Variants in TTC31 observed in about 807,000 individuals in gnomAD.
The protein encoded by TTC31 is tetratricopeptide repeat protein 31.
In TTC31, 59 loss-of-function variants were observed where a neutral mutation model predicts 60.4. The observed-to-expected ratio is 0.98, with a 90% CI of 0.79 to 1.21. TTC31 has a LOEUF of 1.21. Among genes scored for constraint, TTC31 ranks in the 50% most tolerant of loss-of-function variants. The pLI, the probability that TTC31 is intolerant of heterozygous loss-of-function variation, is 0.00. For synonymous variants in TTC31, 225 were observed against 249.6 expected, an observed-to-expected ratio of 0.90 and a Z score of 0.93; for missense variants, 672 against 646.9, an observed-to-expected ratio of 1.04 and a Z score of -0.42.
Position 74,493,167 on chromosome 2 carries a change from G to C in TTC31, c.1509G>C (p.Lys503Asn). The change falls in exon 13 of 13, where the codon AAG (lysine) becomes AAC (asparagine). Residue 503 changes from lysine (K) to asparagine (N), a missense_variant. By Grantham distance (94) the Lys-to-Asn change is moderately conservative. Coordinates refer to ENST00000233623, the MANE Select transcript of TTC31 (RefSeq NM_022492.6). The part of the protein sequence containing the change: ...PHPLKPQDPS[K>N]GWDILGLGLQ... ...CTCTCAAGCCCCAGGACCCTTCAAA[G>C]GGCTGGGACATCCTGGGACTTGGGC... 6.2e-7 allele frequency: 1 copy of C among 1,614,160 alleles called. No individual in the cohort carries two copies. The highest frequency in any genetic ancestry group is 8.5e-7 in the Non-Finnish European group (1 of 1,180,014).
In TTC31 at chr2:74,492,705, C is replaced by T. The variant is rs761961387; in HGVS notation, c.1221C>T (p.Asp407=). ...CTCTGAGAGGTGGGTCCCAGCCTGACGCAGCCCGAGAGCTCCGCTCTTGCC... is the reference window on the plus strand; with the variant it reads ...CTCTGAGAGGTGGGTCCCAGCCTGATGCAGCCCGAGAGCTCCGCTCTTGCC... ...QETLRGGSQP[D]AARELRSCLL... The change falls in exon 12 of 13, where the codon GAC becomes GAT. Residue 407 remains aspartate (D), a synonymous_variant. Coordinates refer to ENST00000233623, the MANE Select transcript of TTC31 (RefSeq NM_022492.6). 19 of 1,614,068 alleles carry T rather than the reference C, an allele frequency of 1.2e-5. No individual in the cohort carries two copies. The highest frequency in any genetic ancestry group is 4.0e-5 in the African/African-American group (3 of 74,928).
intron 2 of TTC31, among the ~76,000 whole-genome samples, chr2:74,486,727 T>C (rs1673150953): frequency 6.6e-6 from 1 of 152,128 alleles, no homozygotes; most frequent in Admixed American, 6.6e-5. Context: ...ACCCCGTTTC[T>C]ACTAAAAGAT....
At position 74,490,327 on chromosome 2, in the gene TTC31, T is replaced by C; in HGVS notation, c.316T>C (p.Tyr106His). Residue 106 changes from tyrosine (Y) to histidine (H), a missense_variant, in exon 4 of 13, where the codon TAC becomes CAC. Tyr to His is a moderately conservative substitution (Grantham distance 83). Coordinates refer to ENST00000233623, the MANE Select transcript of TTC31 (RefSeq NM_022492.6). Reference sequence around the variant, plus strand: ...CAAGGGGGCTGAGGGACTGGGCACCTACTGTGGTCTCCGCAAGTCCTTCCT... The same window carrying C: ...CAAGGGGGCTGAGGGACTGGGCACCCACTGTGGTCTCCGCAAGTCCTTCCT... ...RGKGAEGLGT[Y>H]CGLRKSFLYP... 1.2e-6 allele frequency: 2 copies of C among 1,614,044 alleles called. No homozygotes were observed. The highest frequency in any genetic ancestry group is 1.1e-5 in the South Asian group (1 of 91,082).
chr2:74,491,427 C>G, intron 7 of TTC31, 52 bp downstream of exon 7: 1 of 1,613,972 alleles, frequency 6.2e-7, no homozygotes. Context: ...CCTCCTCCTC[C>G]TCCAGAATGT....
chr2:74,491,102 C>T (rs1673811710), intron 5 of TTC31, 26 bp from the exon 6 acceptor site: 2 of 1,613,920 alleles, frequency 1.2e-6, no homozygotes, highest in South Asian at 1.1e-5. Context: ...GTTCAAAATA[C>T]ATCATTGTTA....
intron 4 of TTC31, 66 bp from the exon 5 acceptor site, chr2:74,490,590 C>T: frequency 6.4e-7 from 1 of 1,569,288 alleles, no homozygotes; most frequent in South Asian, 1.1e-5. Context: ...CTGCCTGCCC[C>T]CTTTCATGTT....
At chr2:74,490,001 C>G in intron 2 of TTC31, 24 bp from the exon 3 acceptor site, 1 of 1,415,802 alleles carries the variant, frequency 7.1e-7, no homozygotes, top group Non-Finnish European at 9.7e-7. Flanking sequence ...CACCAGCCTC[C>G]CCTCCCCTCC....
chr2:74,492,096 G>T (rs1673970381), intron 9 of TTC31, 41 bp downstream of exon 9: 1 of 1,614,078 alleles, frequency 6.2e-7, no homozygotes, highest in South Asian at 1.1e-5. Flanking sequence ...CACCCTCCCT[G>T]GGGTAGCCCC....
At position 74,488,124 on chromosome 2, in the gene TTC31, G is replaced by GC. The variant is rs369289096; in HGVS notation, c.130-1900dup. Among the ~76,000 whole-genome samples the GC allele has an allele frequency of 2.4e-3, 367 of 152,234 alleles. 2 individuals are homozygous for GC. Among genetic ancestry groups the GC allele is most frequent in the Middle Eastern group, 6.8e-3 (2 of 294 alleles). On this transcript the variant is annotated intron_variant, in intron 2 of 12. Transcript: ENST00000233623. ...CGAGTAGCTGGGACTATAGGCGTCC[G>GC]CACCACACCTGGCTCATTATTTATG... is the stretch of plus-strand genomic sequence containing the variant.
chr2:74,488,352 C>G (rs944441802), intron 2 of TTC31, among the ~76,000 whole-genome samples: 4 of 152,046 alleles, frequency 2.6e-5, no homozygotes, highest in African/African-American at 9.7e-5. Context: ...TTTTAGCACG[C>G]TGGAGTTTCT....
intron 11 of TTC31, 72 bp from the exon 12 acceptor site, chr2:74,492,574 C>T (rs1674049185): frequency 1.3e-6 from 2 of 1,580,998 alleles, no homozygotes; most frequent in African/African-American, 2.7e-5. Context: ...GGAGCAGGGG[C>T]CAGTTTTAGA....
intron 2 of TTC31, among the ~76,000 whole-genome samples, chr2:74,486,907 AAG>A (rs1558580814): frequency 6.6e-6 from 1 of 152,114 alleles, no homozygotes; most frequent in African/African-American, 2.4e-5. Flanking sequence ...AAAAAAAAAA[AAG>A]GAGTGTTCAG....
chr2:74,493,994 C>T lies in TTC31; in HGVS notation c.*776C>T, dbSNP rs1028100967. 1 of 152,188 alleles carries T rather than the reference C, an allele frequency of 6.6e-6. No individual in the cohort carries two copies. The highest frequency in any genetic ancestry group is 1.5e-5 in the Non-Finnish European group (1 of 68,036). The allele number at this position is 152,188 out of a possible 1,614,324, so 9.4% of individuals were successfully genotyped here. Reference sequence around the variant, plus strand: ...CTGGGCATGGTAATTAGCCTTTCCCCATGTTAATTTATTCAGTTTTTTCAA... The same window carrying T: ...CTGGGCATGGTAATTAGCCTTTCCCTATGTTAATTTATTCAGTTTTTTCAA... On this transcript the variant is annotated 3_prime_UTR_variant, in exon 13 of 13. Coordinates refer to ENST00000233623, the MANE Select transcript of TTC31 (RefSeq NM_022492.6).
Position 74,491,999 on chromosome 2 carries a change from C to T in TTC31, c.877-5C>T. The T allele has an allele frequency of 1.9e-6, 3 of 1,614,198 alleles. No homozygotes were observed. The highest frequency in any genetic ancestry group is 2.5e-6 in the Non-Finnish European group (3 of 1,180,024). On this transcript the variant is annotated splice_region_variant and splice_polypyrimidine_tract_variant and intron_variant, in intron 8 of 12. Coordinates refer to ENST00000233623, the MANE Select transcript of TTC31 (RefSeq NM_022492.6). ...GACCTGCTTGACTTTGCACCCTATC[C>T]CCAGGCATCTCCGGGACTGCTGGCA...
intron 2 of TTC31, among the ~76,000 whole-genome samples, chr2:74,486,806 T>C (rs1006965612): frequency 6.6e-6 from 1 of 151,332 alleles, no homozygotes; most frequent in Admixed American, 6.6e-5. Flanking sequence ...GGCAGGAGAA[T>C]CACTTGAACC....
chr2:74,492,328 C>G lies in TTC31; in HGVS notation c.1044C>G (p.Cys348Trp). 1 of 1,583,566 alleles carries G rather than the reference C, an allele frequency of 6.3e-7. No individual in the cohort carries two copies. Among genetic ancestry groups the G allele is most frequent in the Non-Finnish European group, 8.6e-7 (1 of 1,160,878 alleles). ...DHRLFGNRSFCHERLGQPAWA... is the reference protein window; with the variant it reads ...DHRLFGNRSFWHERLGQPAWA... ...GGTTATTTGGAAATCGTTCCTTCTG[C>G]CATGAGCGGTTGGGTCAGCCAGCGT... is the stretch of plus-strand genomic sequence containing the variant. The change falls in exon 11 of 13, where the codon TGC becomes TGG. Residue 348 changes from cysteine to tryptophan, a missense_variant. Transcript: ENST00000233623.
chr2:74,493,481 A>G lies in TTC31; in HGVS notation c.*263A>G, dbSNP rs1265439161. On this transcript the variant is annotated 3_prime_UTR_variant, in exon 13 of 13. Transcript: ENST00000233623. ...CCCACCAAGGCTCAAGAAGGGAACTATAGAAAAGTTCAGGTTTTTAGGCTA... is the reference window on the plus strand; with the variant it reads ...CCCACCAAGGCTCAAGAAGGGAACTGTAGAAAAGTTCAGGTTTTTAGGCTA... The G allele has an allele frequency of 1.3e-5, 6 of 461,806 alleles. No homozygotes were observed. The highest frequency in any genetic ancestry group is 2.3e-5 in the Non-Finnish European group (6 of 259,520). 28.6% of individuals were successfully genotyped at this position (461,806 alleles called of 1,614,324 possible). A position where few individuals can be genotyped will look rare whatever the true frequency, so the allele number is the denominator to read the frequency against.
At chr2:74,486,283 C>T (rs1673098724) in intron 2 of TTC31, among the ~76,000 whole-genome samples, 3 of 151,722 alleles carry the variant, frequency 2.0e-5, no homozygotes, top group Admixed American at 6.6e-5. Flanking sequence ...AAAAAGTTCA[C>T]ACTCACTGTG....
intron 2 of TTC31, among the ~76,000 whole-genome samples, chr2:74,484,884 T>C (rs1370389455): frequency 2.0e-5 from 3 of 152,190 alleles, no homozygotes; most frequent in Non-Finnish European, 4.4e-5. Flanking sequence ...TTTATCATGT[T>C]TGTAAATTGG....
Sources: allele counts gnomAD v4.1 joint callset (sites outside exome capture counted in the v4.1 genomes callset), GRCh38; gene constraint gnomAD v4.1.1; transcripts MANE v1.5; gene names NCBI Gene and HGNC (gene_info 2026-07-23, HGNC 2026-07-21).